ZNF821: variants seen among roughly 807,000 people sequenced by gnomAD.
ZNF821 encodes zinc finger protein 821.
In ZNF821, 16 loss-of-function variants were observed where a neutral mutation model predicts 44.3. The observed-to-expected ratio is 0.36, with a 90% CI of 0.24 to 0.55. The LOEUF is 0.55. ZNF821 is among the 20% of genes least tolerant of loss of function. The pLI, the probability that ZNF821 is intolerant of heterozygous loss-of-function variation, is 0.86. For synonymous variants in ZNF821, 204 were observed against 197.6 expected (o/e 1.03, Z -0.27); for missense variants, 436 against 547.6 (o/e 0.80, Z 2.03).
intron 6 of ZNF821, 57 bp downstream of exon 6, chr16:71,864,081 G>T: frequency 6.7e-7 from 1 of 1,484,312 alleles, no homozygotes; most frequent in East Asian, 2.3e-5. Flanking sequence ...CAGGATCTGG[G>T]CTACAGACAA....
chr16:71,892,335 C>T (rs1164237109), intron 1 of ZNF821, among the ~76,000 whole-genome samples: 1 of 151,326 alleles, frequency 6.6e-6, no homozygotes, highest in South Asian at 2.1e-4. Context: ...GGCGCGATCT[C>T]GGCTCACTGC....
rs757363667 is a variant in ZNF821, at chr16:71,860,662, G to A, written c.595C>T (p.Pro199Ser). ...SHATFNSEKLPEVLNMESLPT... is the reference protein window; with the variant it reads ...SHATFNSEKLSEVLNMESLPT... ...AGGGATTCCATATTTAGTACTTCAG[G>A]AAGTTTCTCACTGGAAAGGAAACAT... Residue 199 changes from proline (P) to serine (S), a missense_variant, in exon 8 of 8, where the codon CCT (proline) becomes TCT (serine). Physicochemically the swap from Pro to Ser is moderately conservative, Grantham distance 74 (BLOSUM62 -1). Around this residue, in one of 5 missense-constraint regions of ZNF821, gnomAD observed 238 missense variants for 281.4 expected, o/e 0.85. Transcript: ENST00000425432. The surrounding 1 kb of genome is among the most constrained non-coding windows in gnomAD (Gnocchi z 7.3). The A allele has an allele frequency of 1.2e-6, 2 of 1,611,830 alleles. No individual in the cohort carries two copies. The highest frequency in any genetic ancestry group is 1.7e-6 in the Non-Finnish European group (2 of 1,178,672).
intron 3 of ZNF821, among the ~76,000 whole-genome samples, chr16:71,872,351 C>G (rs968259253): frequency 6.6e-6 from 1 of 152,046 alleles, no homozygotes. Flanking sequence ...CGGTGGCTCA[C>G]GCCTGTAATC....
At chr16:71,872,744 T>C (rs1391597698) in intron 3 of ZNF821, among the ~76,000 whole-genome samples, 2 of 152,220 alleles carry the variant, frequency 1.3e-5, no homozygotes, top group African/African-American at 4.8e-5. Flanking sequence ...GTGGGGAACA[T>C]AGCCATTTAC....
intron 1 of ZNF821, among the ~76,000 whole-genome samples, chr16:71,891,097 A>G (rs1178486113): frequency 6.6e-6 from 1 of 152,036 alleles, no homozygotes; most frequent in Non-Finnish European, 1.5e-5. Context: ...TAACCTTTTA[A>G]CAATATAAAA....
At chr16:71,862,191 T>G (rs2033976521) in intron 6 of ZNF821, among the ~76,000 whole-genome samples, 2 of 152,036 alleles carry the variant, frequency 1.3e-5, no homozygotes, top group Admixed American at 1.3e-4. Context: ...TAAGGAACAG[T>G]GGGAGCCAGG....
intron 3 of ZNF821, among the ~76,000 whole-genome samples, chr16:71,879,129 T>C (rs1053604894): frequency 5.9e-5 from 9 of 152,164 alleles, no homozygotes; most frequent in Admixed American, 2.0e-4. Context: ...CTACGGACTA[T>C]AGAATGAACT....
chr16:71,889,741 A>G (rs2036875709), upstream of ZNF821, among the ~76,000 whole-genome samples: 1 of 152,112 alleles, frequency 6.6e-6, no homozygotes, highest in African/African-American at 2.4e-5. Context: ...AAAAAACCTG[A>G]CCTGATAATG....
At chr16:71,865,775 G>A (rs2034468975) in intron 4 of ZNF821, among the ~76,000 whole-genome samples, 1 of 152,140 alleles carries the variant, frequency 6.6e-6, no homozygotes, top group South Asian at 2.1e-4. Context: ...ATCTCAATGG[G>A]TAACCGAATG....
At chr16:71,892,695 C>T (rs1254693575) in intron 1 of ZNF821, among the ~76,000 whole-genome samples, 2 of 150,024 alleles carry the variant, frequency 1.3e-5, no homozygotes, top group Non-Finnish European at 1.5e-5. Flanking sequence ...CCTCTGCCTC[C>T]GAATTAGCTG....
At chr16:71,885,980 A>G (rs773998368), upstream of ZNF821, among the ~76,000 whole-genome samples, 21 of 152,342 alleles carry the variant, frequency 1.4e-4, no homozygotes, top group Non-Finnish European at 2.6e-4. Flanking sequence ...GGATACAAGT[A>G]TGGCTTTATT....
At chr16:71,874,366 C>T (rs2035575829) in intron 3 of ZNF821, among the ~76,000 whole-genome samples, 1 of 152,184 alleles carries the variant, frequency 6.6e-6, no homozygotes, top group Admixed American at 6.5e-5. Context: ...TTACTCTGCT[C>T]AAGTGTCAAT....
At chr16:71,870,507 A>G (rs1279968743) in intron 3 of ZNF821, among the ~76,000 whole-genome samples, 1 of 134,404 alleles carries the variant, frequency 7.4e-6, no homozygotes, top group Non-Finnish European at 1.6e-5. Flanking sequence ...TTTTTTTAAT[A>G]TGAGACAAGA....
intron 3 of ZNF821, among the ~76,000 whole-genome samples, chr16:71,868,471 A>C (rs979455175): frequency 5.3e-5 from 8 of 152,200 alleles, no homozygotes; most frequent in African/African-American, 1.7e-4. Context: ...TCAGTGTCTT[A>C]TCTCTGACTA....
At position 71,860,139 on chromosome 16, in the gene ZNF821, G is replaced by A; in HGVS notation, c.1118C>T (p.Ala373Val). Residue 373 changes from alanine (A) to valine (V), a missense_variant, in exon 8 of 8, where the codon GCC (alanine) becomes GTC (valine). Ala to Val is a moderately conservative substitution (Grantham distance 64, BLOSUM62 0). Transcript: ENST00000425432. The surrounding 1 kb of genome is among the most constrained non-coding windows in gnomAD (Gnocchi z 7.3). ...CATTTCAGCTGCTAAGGCTGCCATG[G>A]CAGAAGGGTCCTGGCCAAACTGAGC... ...LRAQFGQDPS[A>V]MAALAAEMNF... The A allele has an allele frequency of 1.2e-6, 2 of 1,614,262 alleles. No homozygotes were observed. The highest frequency in any genetic ancestry group is 2.2e-5 in the East Asian group (1 of 44,892).
chr16:71,895,163 C>T, exon 1 of ZNF821: 1 of 252,456 alleles, frequency 4.0e-6, no homozygotes, highest in Non-Finnish European at 7.8e-6. Context: ...GTCAGAGAGG[C>T]GGTACTGGCA....
intron 3 of ZNF821, among the ~76,000 whole-genome samples, chr16:71,876,198 G>A (rs1269473548): frequency 2.0e-5 from 3 of 152,042 alleles, no homozygotes; most frequent in African/African-American, 7.2e-5. Flanking sequence ...TCACACTTGT[G>A]TCTTTTTATT....
At chr16:71,886,765 C>T (rs905012053), upstream of ZNF821, among the ~76,000 whole-genome samples, 9 of 152,232 alleles carry the variant, frequency 5.9e-5, no homozygotes, top group South Asian at 6.2e-4. Context: ...TATCTAATTC[C>T]GGAATATTTT....
Position 71,894,918 on chromosome 16 carries a change from T to A in ZNF821, n.419A>T, listed in dbSNP as rs2036931798. On this transcript the variant is annotated non_coding_transcript_exon_variant, in exon 1 of 3. Transcript: ENST00000561700. ...ATAAATTAGGGAAATCGCCAGAGAC[T>A]GTGGTGCTGAGGAAACACTACTGAA... The A allele has an allele frequency of 2.5e-6, 3 of 1,198,832 alleles. No homozygotes were observed. In the Admixed American group the frequency reaches 6.0e-5, roughly 24 times the overall value. 74.3% of individuals were successfully genotyped at this position (1,198,832 alleles called of 1,614,324 possible). A position where few individuals can be genotyped will look rare whatever the true frequency, so the allele number is the denominator to read the frequency against.
Sources: gnomAD v4.1 joint callset for allele counts (sites outside exome capture counted in the v4.1 genomes callset) on GRCh38, gnomAD v4.1.1 for gene constraint, gnomAD v4.1.1 regional missense constraint, Gnocchi (gnomAD v3.1) non-coding constraint, MANE v1.5 for transcripts, NCBI Gene and HGNC (gene_info 2026-07-23, HGNC 2026-07-21) for gene names.